Variants in PRDM16 observed in about 807,000 individuals in gnomAD.
PRDM16 encodes histone-lysine N-methyltransferase PRDM16.
In PRDM16, 23 loss-of-function variants were observed where a neutral mutation model predicts 110.6. That is an observed-to-expected ratio of 0.21 (90% CI 0.15 to 0.29). The LOEUF (loss-of-function observed/expected upper bound fraction) is 0.29. Ranked by LOEUF, PRDM16 falls within the 10% of genes least tolerant of loss-of-function variation. The pLI is 1.00. For missense variants in PRDM16, 1,615 were observed against 1,794.3 expected, an observed-to-expected ratio of 0.90 and a Z score of 1.81; for synonymous variants, 799 against 781.8, an observed-to-expected ratio of 1.02 and a Z score of -0.37.
intron 1 of PRDM16, among the ~76,000 whole-genome samples, chr1:3,119,913 C>T (rs1191280437): frequency 4.6e-5 from 7 of 152,202 alleles, no homozygotes; most frequent in Non-Finnish European, 8.8e-5. Flanking sequence ...AGGATCCCTG[C>T]GGCCCCACAG....
chr1:3,234,159 G>A (rs1639486016), intron 2 of PRDM16, among the ~76,000 whole-genome samples: 1 of 152,168 alleles, frequency 6.6e-6, no homozygotes, highest in South Asian at 2.1e-4. Context: ...CTGTCGTGTT[G>A]ATTTCGTCTT....
At chr1:3,134,083 G>A (rs538383224) in intron 1 of PRDM16, among the ~76,000 whole-genome samples, 9 of 152,324 alleles carry the variant, frequency 5.9e-5, no homozygotes, top group African/African-American at 2.2e-4. Flanking sequence ...GGGAGACCTG[G>A]GTTCAGAACC....
chr1:3,316,846 A>G (rs938718200), intron 3 of PRDM16, among the ~76,000 whole-genome samples: 1 of 152,220 alleles, frequency 6.6e-6, no homozygotes, highest in Non-Finnish European at 1.5e-5. Flanking sequence ...CAAAATAGGC[A>G]GGAAACAGTG....
rs769038181 is a variant in PRDM16, at chr1:3,434,660, C to T, written c.*849C>T. 6.9e-5 allele frequency: 16 copies of T among 232,412 alleles called. No homozygotes were observed. The highest frequency in any genetic ancestry group is 1.3e-4 in the African/African-American group (6 of 45,280). 14.4% of individuals were successfully genotyped at this position (232,412 alleles called of 1,614,324 possible). On this transcript the variant is annotated 3_prime_UTR_variant, in exon 17 of 17. Coordinates refer to ENST00000270722, the MANE Select transcript of PRDM16 (RefSeq NM_022114.4). ...TGTGACATGGAATTGGTGTCAGGAC[C>T]GCCACGTGGCCTTCAGAGGAATCCA...
At chr1:3,200,309 C>T (rs560723277) in intron 2 of PRDM16, among the ~76,000 whole-genome samples, 34 of 152,114 alleles carry the variant, frequency 2.2e-4, no homozygotes, top group African/African-American at 7.2e-4. Flanking sequence ...GGCCCTTAGC[C>T]GGGGCCCTCC....
chr1:3,159,386 C>G (rs1212863049), intron 1 of PRDM16, among the ~76,000 whole-genome samples: 1 of 152,260 alleles, frequency 6.6e-6, no homozygotes, highest in Non-Finnish European at 1.5e-5. Flanking sequence ...GACACAGTAT[C>G]AGCAGGCTGG....
chr1:3,099,066 G>A (rs988555247), intron 1 of PRDM16, among the ~76,000 whole-genome samples: 5 of 152,172 alleles, frequency 3.3e-5, no homozygotes, highest in Non-Finnish European at 7.3e-5. Flanking sequence ...GAGCGGTGGG[G>A]GCCGTGTGGG....
In PRDM16 at chr1:3,358,487, C is replaced by T. The variant is rs1642653335; in HGVS notation, c.439-26665C>T. Among the ~76,000 whole-genome samples the T allele has an allele frequency of 6.6e-6, 1 of 152,172 alleles. No homozygotes were observed. The highest frequency in any genetic ancestry group is 2.4e-5 in the African/African-American group (1 of 41,432). On this transcript the variant is annotated intron_variant, in intron 3 of 16. Coordinates refer to ENST00000270722, the MANE Select transcript of PRDM16 (RefSeq NM_022114.4). This position sits in a 1 kb window ranked among gnomAD's most constrained non-coding sequence, Gnocchi z 4.0. The stretch of plus-strand genomic sequence containing the variant: ...CAGCCGCTGCGCCCCAGACTCCCAG[C>T]CGCGGCTTCGGATGCAGCTGGAATA...
chr1:3,376,523 A>G (rs1642992696), intron 3 of PRDM16, among the ~76,000 whole-genome samples: 1 of 152,050 alleles, frequency 6.6e-6, no homozygotes, highest in Non-Finnish European at 1.5e-5. Context: ...CCTGAGAACC[A>G]TCCAGTGAGA....
Position 3,411,521 on chromosome 1 carries a change from C to A in PRDM16, c.1324C>A (p.Arg442=). 1 of 1,614,156 alleles carries A rather than the reference C, an allele frequency of 6.2e-7. No homozygotes were observed. The highest frequency in any genetic ancestry group is 8.5e-7 in the Non-Finnish European group (1 of 1,180,024). Residue 442 remains arginine, a synonymous_variant, in exon 9 of 17, where the codon CGG becomes AGG. Coordinates refer to ENST00000270722, the MANE Select transcript of PRDM16 (RefSeq NM_022114.4). The part of the protein sequence containing the change: ...FSTTSSLNKH[R]RFCEGKNHYT... ...CACTACCTCCTCCCTCAACAAGCAC[C>A]GGCGCTTCTGCGAGGGCAAGAACCA...
At chr1:3,368,784 A>AG (rs1023143993) in intron 3 of PRDM16, among the ~76,000 whole-genome samples, 2 of 152,218 alleles carry the variant, frequency 1.3e-5, no homozygotes, top group African/African-American at 4.8e-5. Context: ...AGCTCCCTCC[A>AG]GGGAGGAAAG....
chr1:3,314,251 A>G (rs1217794838), intron 3 of PRDM16, among the ~76,000 whole-genome samples: 2 of 152,044 alleles, frequency 1.3e-5, no homozygotes, highest in Admixed American at 1.3e-4. Flanking sequence ...TCTGGGTGGC[A>G]GTTTAGAGAG....
chr1:3,335,614 C>T (rs1434078209), intron 3 of PRDM16, among the ~76,000 whole-genome samples: 1 of 151,668 alleles, frequency 6.6e-6, no homozygotes, highest in Non-Finnish European at 1.5e-5. Flanking sequence ...CACACACACA[C>T]ACACACACAC....
chr1:3,383,405 A>G (rs568935488), intron 3 of PRDM16, among the ~76,000 whole-genome samples: 1 of 152,176 alleles, frequency 6.6e-6, no homozygotes, highest in Admixed American at 6.5e-5. Flanking sequence ...GGATGTCAAC[A>G]AGGAGACTGA....
chr1:3,415,801 A>G (rs1330693506), intron 10 of PRDM16, among the ~76,000 whole-genome samples: 1 of 152,174 alleles, frequency 6.6e-6, no homozygotes, highest in African/African-American at 2.4e-5. Flanking sequence ...GGGGGCGGGA[A>G]GAGAGAGATG....
At chr1:3,116,835 C>T (rs1274059697) in intron 1 of PRDM16, among the ~76,000 whole-genome samples, 1 of 152,198 alleles carries the variant, frequency 6.6e-6, no homozygotes, top group Non-Finnish European at 1.5e-5. Context: ...GCTCCGTGTG[C>T]CCCCACCTGC....
intron 2 of PRDM16, among the ~76,000 whole-genome samples, chr1:3,189,950 A>C (rs1638257052): frequency 6.6e-6 from 1 of 152,246 alleles, no homozygotes; most frequent in African/African-American, 2.4e-5. Context: ...GTTCTGGAGA[A>C]TTCAGTTGAA....
intron 1 of PRDM16, among the ~76,000 whole-genome samples, chr1:3,174,248 G>T (rs1644061028): frequency 6.6e-6 from 1 of 152,268 alleles, no homozygotes; most frequent in East Asian, 1.9e-4. Context: ...CCTTCTCCTT[G>T]TCCTATAAGG....
chr1:3,169,230 T>C (rs1019377346), intron 1 of PRDM16, among the ~76,000 whole-genome samples: 4 of 152,156 alleles, frequency 2.6e-5, no homozygotes, highest in African/African-American at 9.7e-5. Context: ...ACCCATGGTT[T>C]GGAACCTCGG....
Sources: gnomAD v4.1 joint callset for allele counts (sites outside exome capture counted in the v4.1 genomes callset) on GRCh38, gnomAD v4.1.1 for gene constraint, Gnocchi (gnomAD v3.1) non-coding constraint, MANE v1.5 for transcripts, NCBI Gene and HGNC (gene_info 2026-07-23, HGNC 2026-07-21) for gene names.